Variants in RGS17 observed in about 807,000 individuals in gnomAD.
The protein encoded by RGS17 is regulator of G protein signaling 17, also known as regulator of G-protein signaling 17.
A neutral mutation model predicts 25.5 loss-of-function variants in RGS17; 12 were observed. The ratio of observed to expected loss-of-function variants is 0.47; its 90% CI spans 0.30 to 0.76. The LOEUF (loss-of-function observed/expected upper bound fraction) is 0.76, where lower values mean the gene tolerates loss of function less well. Ranked by LOEUF, RGS17 falls within the 30% of genes least tolerant of loss-of-function variation. The probability of loss-of-function intolerance (pLI) is 0.07; values close to 1 mark genes in which losing one functional copy is unlikely to be tolerated. For missense variants in RGS17, 196 were observed against 242.2 expected (o/e 0.81, Z 1.27); for synonymous variants, 71 against 76.9 (o/e 0.92, Z 0.40).
chr6:153,065,237 C>A (rs1038946387), intron 1 of RGS17, among the ~76,000 whole-genome samples: 2 of 152,086 alleles, frequency 1.3e-5, no homozygotes, highest in African/African-American at 4.8e-5. Context: ...GGTAATTCAA[C>A]AAGAGGATAT....
At chr6:153,093,698 G>T (rs1489112446) in intron 1 of RGS17, among the ~76,000 whole-genome samples, 1 of 152,134 alleles carries the variant, frequency 6.6e-6, no homozygotes, top group African/African-American at 2.4e-5. Context: ...ACCCAGAATG[G>T]CACCTACTCA....
At chr6:153,017,660 A>G (rs940877746) in intron 4 of RGS17, among the ~76,000 whole-genome samples, 1 of 152,184 alleles carries the variant, frequency 6.6e-6, no homozygotes, top group African/African-American at 2.4e-5. Context: ...ATTTTTACTG[A>G]AAGTCTTTTT....
intron 1 of RGS17, among the ~76,000 whole-genome samples, chr6:153,072,569 G>C (rs1321049636): frequency 6.6e-6 from 1 of 152,174 alleles, no homozygotes; most frequent in Non-Finnish European, 1.5e-5. Flanking sequence ...TTTAAGACTG[G>C]TATCTCCAGA....
At chr6:153,122,044 C>A (rs560359378) in intron 1 of RGS17, among the ~76,000 whole-genome samples, 7 of 152,212 alleles carry the variant, frequency 4.6e-5, no homozygotes, top group South Asian at 2.1e-4. Flanking sequence ...TACATAATAA[C>A]GTATTGAATG....
At chr6:153,123,472 G>A (rs1332858289) in intron 1 of RGS17, among the ~76,000 whole-genome samples, 4 of 152,006 alleles carry the variant, frequency 2.6e-5, no homozygotes, top group Admixed American at 6.6e-5. Context: ...TTTCTAGAAC[G>A]GGTTTGAAGT....
intron 1 of RGS17, among the ~76,000 whole-genome samples, chr6:153,088,780 C>G (rs1777086297): frequency 6.6e-6 from 1 of 152,024 alleles, no homozygotes; most frequent in South Asian, 2.1e-4. Flanking sequence ...AGTAACTGTG[C>G]AGGTAGCTTA....
chr6:153,040,509 C>G (rs1776308397), intron 2 of RGS17, among the ~76,000 whole-genome samples: 1 of 152,026 alleles, frequency 6.6e-6, no homozygotes, highest in Admixed American at 6.6e-5. Context: ...TATTTTCTTA[C>G]CACTCTATTT....
At chr6:153,069,696 C>T (rs982449913) in intron 1 of RGS17, among the ~76,000 whole-genome samples, 2 of 151,020 alleles carry the variant, frequency 1.3e-5, no homozygotes, top group Admixed American at 6.6e-5. Flanking sequence ...GAATTGCATG[C>T]CTGTATCATA....
intron 4 of RGS17, among the ~76,000 whole-genome samples, chr6:153,016,876 A>G (rs1779190688): frequency 6.6e-6 from 1 of 152,202 alleles, no homozygotes; most frequent in Admixed American, 6.5e-5. Flanking sequence ...GGTGGATCCC[A>G]GTTGGGCCTG....
intron 1 of RGS17, among the ~76,000 whole-genome samples, chr6:153,063,229 C>A (rs1776662783): frequency 6.6e-6 from 1 of 152,062 alleles, no homozygotes; most frequent in Non-Finnish European, 1.5e-5. Flanking sequence ...ACCAAATGAA[C>A]TAAATAAGCC....
intron 1 of RGS17, among the ~76,000 whole-genome samples, chr6:153,125,347 T>G (rs1042329055): frequency 1.6e-4 from 24 of 152,254 alleles, no homozygotes; most frequent in Non-Finnish European, 2.9e-5. Context: ...TAGATATTTA[T>G]TAATCATGCT....
At chr6:153,057,470 G>A (rs1258886370) in intron 1 of RGS17, among the ~76,000 whole-genome samples, 2 of 152,076 alleles carry the variant, frequency 1.3e-5, no homozygotes, top group African/African-American at 4.8e-5. Context: ...AAGCTCTAGA[G>A]TCAGGCTGCC....
intron 1 of RGS17, among the ~76,000 whole-genome samples, chr6:153,070,286 A>G (rs569509417): frequency 6.6e-6 from 1 of 152,188 alleles, no homozygotes; most frequent in East Asian, 1.9e-4. Context: ...ATGGAAGAGC[A>G]CTGGTAATGA....
chr6:153,066,900 C>T lies in RGS17; in HGVS notation c.-25-22857G>A, dbSNP rs1240457371. 4.0e-5 allele frequency among the ~76,000 whole-genome samples: 6 copies of T among 151,812 alleles called. 1 individual carries two copies. The highest frequency in any genetic ancestry group is 4.2e-4 in the South Asian group (2 of 4,794). Reference sequence around the variant, plus strand: ...ACTAAAAATACAAAAATTAGCGGGGCGTGGTGGTGGGCACCTGTAGTCCCA... The same window carrying T: ...ACTAAAAATACAAAAATTAGCGGGGTGTGGTGGTGGGCACCTGTAGTCCCA... On this transcript the variant is annotated intron_variant, in intron 1 of 4. Transcript: ENST00000206262.
chr6:153,044,142 A>G (rs1776358362), intron 1 of RGS17, 99 bp from the exon 2 acceptor site: 9 of 671,970 alleles, frequency 1.3e-5, no homozygotes, highest in Admixed American at 5.6e-5. Flanking sequence ...GGAGGGAGGT[A>G]ATTTAAGAAA....
intron 1 of RGS17, among the ~76,000 whole-genome samples, chr6:153,077,076 T>A (rs1274583186): frequency 6.6e-6 from 1 of 152,182 alleles, no homozygotes; most frequent in African/African-American, 2.4e-5. Flanking sequence ...GCCTCATAAC[T>A]GATGCAACAG....
At chr6:153,036,422 C>T (rs919207647) in intron 2 of RGS17, among the ~76,000 whole-genome samples, 1 of 152,108 alleles carries the variant, frequency 6.6e-6, no homozygotes, top group African/African-American at 2.4e-5. Context: ...TCTCTCACTC[C>T]TCCATTGTTC....
chr6:153,060,613 C>T (rs552201008), intron 1 of RGS17, among the ~76,000 whole-genome samples: 1 of 152,038 alleles, frequency 6.6e-6, no homozygotes, highest in South Asian at 2.1e-4. Flanking sequence ...TAAGTTCCAA[C>T]GAAGCACTGA....
chr6:153,084,170 GCTA>G (rs1777021634), intron 1 of RGS17, among the ~76,000 whole-genome samples: 3 of 152,110 alleles, frequency 2.0e-5, no homozygotes, highest in Non-Finnish European at 4.4e-5. Flanking sequence ...GAGTAGCAGA[GCTA>G]CTACCATCCA....
Sources: allele counts gnomAD v4.1 joint callset (sites outside exome capture counted in the v4.1 genomes callset), GRCh38; gene constraint gnomAD v4.1.1; transcripts MANE v1.5; gene names NCBI Gene and HGNC (gene_info 2026-07-23, HGNC 2026-07-21).